Variants in MGAT4C observed in about 807,000 individuals in gnomAD.
MGAT4C encodes alpha-1,3-mannosyl-glycoprotein 4-beta-N-acetylglucosaminyltransferase C.
In MGAT4C, 19 loss-of-function variants were observed where a neutral mutation model predicts 40.1. The observed-to-expected ratio is 0.47, with a 90% CI of 0.33 to 0.70. MGAT4C has a LOEUF of 0.70. MGAT4C is among the 30% of genes least tolerant of loss of function. The pLI, the probability that MGAT4C is intolerant of heterozygous loss-of-function variation, is 0.02. For synonymous variants in MGAT4C, 181 were observed against 187.1 expected (o/e 0.97, Z 0.27); for missense variants, 491 against 563.2 (o/e 0.87, Z 1.30).
chr12:86,478,669 T>C (rs1957882575), intron 2 of MGAT4C, among the ~76,000 whole-genome samples: 1 of 152,138 alleles, frequency 6.6e-6, no homozygotes, highest in African/African-American at 2.4e-5. Flanking sequence ...TGATTAACAC[T>C]GGAGCTTTTT....
chr12:86,718,386 G>A (rs1385908513), intron 2 of MGAT4C, among the ~76,000 whole-genome samples: 3 of 152,198 alleles, frequency 2.0e-5, no homozygotes, highest in Non-Finnish European at 4.4e-5. Flanking sequence ...CAGCATGTGA[G>A]TGTTTGTCTC....
intron 2 of MGAT4C, among the ~76,000 whole-genome samples, chr12:86,626,412 A>G (rs574934502): frequency 6.6e-6 from 1 of 152,302 alleles, no homozygotes; most frequent in African/African-American, 2.4e-5. Context: ...TGAGCAAAGT[A>G]CTTTTTACTC....
chr12:86,324,742 A>G (rs934022414), intron 4 of MGAT4C, among the ~76,000 whole-genome samples: 1 of 152,054 alleles, frequency 6.6e-6, no homozygotes, highest in Admixed American at 6.6e-5. Context: ...AAAAACAATC[A>G]ATATTTCTTT....
chr12:86,122,352 T>G (rs1435950310), intron 1 of MGAT4C, among the ~76,000 whole-genome samples: 1 of 152,188 alleles, frequency 6.6e-6, no homozygotes, highest in East Asian at 1.9e-4. Context: ...ATCTAATACA[T>G]TTGTGCCACT....
chr12:86,426,438 A>G (rs978319918), intron 3 of MGAT4C, among the ~76,000 whole-genome samples: 1 of 152,224 alleles, frequency 6.6e-6, no homozygotes, highest in Non-Finnish European at 1.5e-5. Context: ...AGTTATTTTC[A>G]CATATGAAAA....
At chr12:86,693,349 A>G (rs556669011) in intron 2 of MGAT4C, among the ~76,000 whole-genome samples, 9 of 152,320 alleles carry the variant, frequency 5.9e-5, no homozygotes, top group South Asian at 2.1e-4. Flanking sequence ...CTCTAATAAT[A>G]TATTTTACAA....
chr12:86,067,944 T>C (rs574259661), intron 1 of MGAT4C: 1 of 152,286 alleles, frequency 6.6e-6, no homozygotes, highest in East Asian at 1.9e-4. Flanking sequence ...AGCATGTAGA[T>C]CCTGGATCCG....
chr12:85,958,974 G>A lies in MGAT4C; in HGVS notation c.*20315C>T, dbSNP rs557708184. ...AAAAAATACAAGTGCATAGGGCAGA[G>A]GAGGCGATTCAGTTACTTCTGCTAT... On this transcript the variant is annotated 3_prime_UTR_variant, in exon 5 of 5. Transcript: ENST00000611864. 5.9e-5 allele frequency: 9 copies of A among 151,988 alleles called. No individual in the cohort carries two copies. Among genetic ancestry groups the A allele is most frequent in the Non-Finnish European group, 1.0e-4 (7 of 67,922 alleles). 9.4% of individuals were successfully genotyped at this position (151,988 alleles called of 1,614,324 possible).
At chr12:86,055,403 G>A (rs1488635493) in intron 1 of MGAT4C, among the ~76,000 whole-genome samples, 1 of 151,976 alleles carries the variant, frequency 6.6e-6, no homozygotes, top group Non-Finnish European at 1.5e-5. Context: ...AGCTGAAATT[G>A]TACATTAGAC....
At chr12:86,178,112 A>G (rs1431203736) in intron 1 of MGAT4C, among the ~76,000 whole-genome samples, 2 of 151,870 alleles carry the variant, frequency 1.3e-5, no homozygotes, top group African/African-American at 2.4e-5. Context: ...AATTTTTTGT[A>G]TTTTTGGTAG....
chr12:86,210,785 T>A (rs545652094), intron 1 of MGAT4C, among the ~76,000 whole-genome samples: 1 of 152,306 alleles, frequency 6.6e-6, no homozygotes, highest in South Asian at 2.1e-4. Flanking sequence ...ATTATTTTGG[T>A]TTAGGATGTT....
At chr12:86,740,108 CAAG>C (rs1951046121) in intron 1 of MGAT4C, among the ~76,000 whole-genome samples, 1 of 151,044 alleles carries the variant, frequency 6.6e-6, no homozygotes, top group African/African-American at 2.4e-5. Context: ...TTCATTTTAG[CAAG>C]AACCCTTCAT....
In MGAT4C at chr12:86,028,185, G is replaced by A. The variant is rs1048291605; in HGVS notation, c.-7+21489C>T. The A allele has an allele frequency of 9.3e-6, 12 of 1,287,612 alleles. 1 individual carries two copies. The South Asian group carries it at 1.2e-4, about 13-fold the overall frequency. 79.8% of individuals were successfully genotyped at this position (1,287,612 alleles called of 1,614,324 possible). On this transcript the variant is annotated intron_variant, in intron 2 of 4. Transcript: ENST00000611864. Reference sequence around the variant, plus strand: ...ATCTGACCATGTCCTTCCCAAGCATGAGACGTTCCAAGATTCCATCTGCTG... The same window carrying A: ...ATCTGACCATGTCCTTCCCAAGCATAAGACGTTCCAAGATTCCATCTGCTG...
At chr12:86,758,240 A>G (rs1302953099) in intron 1 of MGAT4C, among the ~76,000 whole-genome samples, 1 of 152,056 alleles carries the variant, frequency 6.6e-6, no homozygotes, top group African/African-American at 2.4e-5. Flanking sequence ...ATCATATACC[A>G]CTAAAGGTTT....
chr12:86,469,346 A>G (rs1267035218), intron 2 of MGAT4C, among the ~76,000 whole-genome samples: 1 of 152,122 alleles, frequency 6.6e-6, no homozygotes, highest in Middle Eastern at 3.2e-3. Context: ...TATCACTTCT[A>G]TGATTGAGTT....
At chr12:86,540,325 A>G (rs1458577766) in intron 2 of MGAT4C, among the ~76,000 whole-genome samples, 1 of 152,238 alleles carries the variant, frequency 6.6e-6, no homozygotes, top group African/African-American at 2.4e-5. Context: ...CCCAAAAACA[A>G]CTAACAATCA....
rs113425585 is a variant in MGAT4C at position 86,785,094 on chromosome 12, C to A, written c.-262+53572G>T. On this transcript the variant is annotated intron_variant, in intron 1 of 7. Transcript: ENST00000548651. The stretch of plus-strand genomic sequence containing the variant: ...ACATGGTTTCATCAAATGAAAGGCA[C>A]CATTAGCTGCCAGGAATAACTCTAT... 4.5e-3 allele frequency among the ~76,000 whole-genome samples: 682 copies of A among 152,058 alleles called. 5 individuals are homozygous for A. Among genetic ancestry groups the A allele is most frequent in the African/African-American group, 0.016 (655 of 41,538 alleles).
intron 2 of MGAT4C, among the ~76,000 whole-genome samples, chr12:86,017,699 C>T (rs1314704266): frequency 6.6e-6 from 1 of 152,026 alleles, no homozygotes; most frequent in Non-Finnish European, 1.5e-5. Context: ...TTTGAGAAGC[C>T]ACGCAATTTA....
Position 85,962,775 on chromosome 12 carries a change from G to T in MGAT4C, c.*16514C>A, listed in dbSNP as rs558105613. The stretch of plus-strand genomic sequence containing the variant: ...AGATATTTTATTTCATTATATAAAT[G>T]AAATATTTTATCTGTTATAAAGACC... On this transcript the variant is annotated 3_prime_UTR_variant, in exon 5 of 5. Coordinates refer to ENST00000611864, the MANE Select transcript of MGAT4C (RefSeq NM_001351288.2). 93 of 151,204 alleles carry T rather than the reference G, an allele frequency of 6.2e-4. No individual in the cohort carries two copies. Among genetic ancestry groups the T allele is most frequent in the African/African-American group, 2.1e-3 (89 of 41,422 alleles). 9.4% of individuals were successfully genotyped at this position (151,204 alleles called of 1,614,324 possible). A position where few individuals can be genotyped will look rare whatever the true frequency, so the allele number is the denominator to read the frequency against.
Sources: gnomAD v4.1 joint callset for allele counts (sites outside exome capture counted in the v4.1 genomes callset) on GRCh38, gnomAD v4.1.1 for gene constraint, MANE v1.5 for transcripts, NCBI Gene and HGNC (gene_info 2026-07-23, HGNC 2026-07-21) for gene names.